Variants in TNFSF11 observed in about 807,000 individuals in gnomAD.
TNFSF11 encodes TNF superfamily member 11, also known as tumor necrosis factor ligand superfamily member 11.
TNFSF11 carries 12 observed loss-of-function variants against 32.2 expected under a neutral mutation model. That is an observed-to-expected ratio of 0.37 (90% CI 0.24 to 0.60). TNFSF11 has a LOEUF of 0.60. Ranked by LOEUF, TNFSF11 falls within the 20% of genes least tolerant of loss-of-function variation. The pLI, the probability that TNFSF11 is intolerant of heterozygous loss-of-function variation, is 0.66. For missense variants in TNFSF11, 345 were observed against 398.0 expected (o/e 0.87, Z 1.13); for synonymous variants, 172 against 152.1 (o/e 1.13, Z -0.96).
chr13:42,581,658 C>T (rs774948349), intron 2 of TNFSF11, among the ~76,000 whole-genome samples: 1 of 152,170 alleles, frequency 6.6e-6, no homozygotes, highest in Non-Finnish European at 1.5e-5. Flanking sequence ...ACAGGACTTT[C>T]TGGTAGCTGT....
Position 42,574,376 on chromosome 13 carries a change from C to A in TNFSF11, c.73C>A (p.Pro25Thr). 1 of 1,544,210 alleles carries A rather than the reference C, an allele frequency of 6.5e-7. No individual in the cohort carries two copies. The highest frequency in any genetic ancestry group is 2.4e-5 in the East Asian group (1 of 40,844). ...GGAGATGGGCGGCGGCCCCGGAGCC[C>A]CGCACGAGGGCCCCCTGCACGCCCC... The part of the protein sequence containing the change: ...SEEMGGGPGA[P>T]HEGPLHAPPP... Residue 25 changes from proline (P) to threonine (T), a missense_variant, in exon 1 of 5, where the codon CCG becomes ACG. By Grantham distance (38) the Pro-to-Thr change is conservative. Transcript: ENST00000398795.
intron 1 of TNFSF11, among the ~76,000 whole-genome samples, chr13:42,579,106 A>G (rs1873461681): frequency 6.6e-6 from 1 of 152,090 alleles, no homozygotes; most frequent in African/African-American, 2.4e-5. Flanking sequence ...TATCAAGAAT[A>G]TAGGGTTCGG....
At chr13:42,575,080 G>A (rs1409177548) in intron 1 of TNFSF11, among the ~76,000 whole-genome samples, 1 of 152,204 alleles carries the variant, frequency 6.6e-6, no homozygotes, top group Non-Finnish European at 1.5e-5. Context: ...CGCCCAATGG[G>A]TGGGCAGAAT....
chr13:42,599,357 T>TATCTATC (rs1566387373), intron 2 of TNFSF11, among the ~76,000 whole-genome samples: 8 of 148,012 alleles, frequency 5.4e-5, no homozygotes, highest in Non-Finnish European at 1.1e-4. Context: ...ATCATCTATC[T>TATCTATC]ATCTATCTAT....
chr13:42,569,341 G>A (rs1872973863), upstream of TNFSF11, among the ~76,000 whole-genome samples: 1 of 152,032 alleles, frequency 6.6e-6, no homozygotes, highest in Non-Finnish European at 1.5e-5. Flanking sequence ...GAGGTCGGGA[G>A]ATCGAGACCA....
chr13:42,588,613 A>G (rs1031582474), intron 2 of TNFSF11, among the ~76,000 whole-genome samples: 1 of 152,130 alleles, frequency 6.6e-6, no homozygotes, highest in African/African-American at 2.4e-5. Flanking sequence ...GAAGAGCGGG[A>G]TGTGCCTTAG....
At chr13:42,602,328 T>A (rs75829273) in intron 4 of TNFSF11, among the ~76,000 whole-genome samples, 1 of 152,052 alleles carries the variant, frequency 6.6e-6, no homozygotes, top group African/African-American at 2.4e-5. Context: ...CACTTGGGAG[T>A]GTGATTTGTT....
upstream of TNFSF11, among the ~76,000 whole-genome samples, chr13:42,571,327 CCAG>C (rs1237449085): frequency 2.0e-5 from 3 of 152,038 alleles, no homozygotes; most frequent in African/African-American, 4.8e-5. Flanking sequence ...GAGTCTTGAG[CCAG>C]CTTGTGAAGG....
intron 2 of TNFSF11, among the ~76,000 whole-genome samples, chr13:42,596,347 T>G (rs1459096148): frequency 3.3e-5 from 5 of 152,164 alleles, no homozygotes; most frequent in African/African-American, 1.2e-4. Flanking sequence ...GGCTCCTTTT[T>G]GTCAGATCCC....
intron 2 of TNFSF11, among the ~76,000 whole-genome samples, chr13:42,588,686 A>G (rs1160921942): frequency 6.6e-6 from 1 of 152,172 alleles, no homozygotes; most frequent in Non-Finnish European, 1.5e-5. Flanking sequence ...TAAAAAGAGA[A>G]GAGAAAAGTC....
chr13:42,599,342 T>TATC (rs1243692744), intron 2 of TNFSF11, among the ~76,000 whole-genome samples: 25,136 of 76,820 alleles, frequency 0.33, 2,192 homozygotes, highest in Middle Eastern at 0.39. Context: ...TCTATCTATC[T>TATC]ATCTATCATC....
At chr13:42,573,300 C>G (rs984040529), upstream of TNFSF11, among the ~76,000 whole-genome samples, 1 of 152,084 alleles carries the variant, frequency 6.6e-6, no homozygotes, top group Admixed American at 6.6e-5. Flanking sequence ...TGGTCAGCAA[C>G]TTCCTTCTGA....
intron 2 of TNFSF11, among the ~76,000 whole-genome samples, chr13:42,599,169 G>T (rs1868985808): frequency 1.3e-5 from 2 of 152,198 alleles, no homozygotes; most frequent in Non-Finnish European, 2.9e-5. Flanking sequence ...GAAGACAGCT[G>T]TGCTATCTCC....
intron 2 of TNFSF11, among the ~76,000 whole-genome samples, chr13:42,581,507 CTTTCT>C (rs1183310698): frequency 6.6e-6 from 1 of 152,100 alleles, no homozygotes; most frequent in Non-Finnish European, 1.5e-5. Context: ...ATATTCTTTT[CTTTCT>C]TTTCTTTTTT....
chr13:42,578,047 C>T (rs1873406919), intron 1 of TNFSF11, among the ~76,000 whole-genome samples: 2 of 152,172 alleles, frequency 1.3e-5, no homozygotes, highest in South Asian at 2.1e-4. Context: ...ACAGGGACTG[C>T]TTGCTTTGCA....
chr13:42,592,313 GT>G (rs2137888340), intron 2 of TNFSF11, among the ~76,000 whole-genome samples: 1 of 152,328 alleles, frequency 6.6e-6, no homozygotes, highest in African/African-American at 2.4e-5. Context: ...CAAATCGGGG[GT>G]TCCCATGACC....
At chr13:42,565,622 A>G (rs1427635300) in intron 1 of TNFSF11, among the ~76,000 whole-genome samples, 1 of 152,246 alleles carries the variant, frequency 6.6e-6, no homozygotes, top group Non-Finnish European at 1.5e-5. Flanking sequence ...AGTTATTCTT[A>G]TGTTCTAAAA....
At chr13:42,564,114 T>C (rs1872783930) in intron 1 of TNFSF11, among the ~76,000 whole-genome samples, 1 of 152,224 alleles carries the variant, frequency 6.6e-6, no homozygotes, top group African/African-American at 2.4e-5. Context: ...TAAGTTAATC[T>C]AGTTAATTAT....
chr13:42,595,912 T>C (rs1868780969), intron 2 of TNFSF11, among the ~76,000 whole-genome samples: 1 of 152,242 alleles, frequency 6.6e-6, no homozygotes, highest in Non-Finnish European at 1.5e-5. Flanking sequence ...TAAAGAACTA[T>C]AGAAATTTTA....
Sources: gnomAD v4.1 joint callset for allele counts (sites outside exome capture counted in the v4.1 genomes callset) on GRCh38, gnomAD v4.1.1 for gene constraint, MANE v1.5 for transcripts, NCBI Gene and HGNC (gene_info 2026-07-23, HGNC 2026-07-21) for gene names.